The following TNFRSF10D variants were observed in gnomAD, a reference collection of about 807,000 sequenced individuals.
TNFRSF10D encodes tumor necrosis factor receptor superfamily member 10D.
A neutral mutation model predicts 42.1 loss-of-function variants in TNFRSF10D; 28 were observed. That is an observed-to-expected ratio of 0.66 (90% CI 0.49 to 0.91). TNFRSF10D has a LOEUF of 0.91. TNFRSF10D is among the 40% of genes least tolerant of loss of function. TNFRSF10D has a pLI of 0.00. For missense variants in TNFRSF10D, 503 were observed against 486.1 expected, an observed-to-expected ratio of 1.03 and a Z score of -0.33; for synonymous variants, 186 against 189.4, an observed-to-expected ratio of 0.98 and a Z score of 0.15.
chr8:23,148,671 T>C (rs1800163336), intron 2 of TNFRSF10D, 120 bp from the exon 3 acceptor site: 1 of 636,100 alleles, frequency 1.6e-6, no homozygotes, highest in Non-Finnish European at 2.8e-6. Context: ...CTGCTCTTCT[T>C]GGCTTGGTCT....
rs1814316966 is a variant in TNFRSF10D, at chr8:23,135,928, C to T, written c.*1942G>A. ...ACTAGGAGGCAGCAGCACCCTGTGT[C>T]ATCCAGAAGTGCAGGGGACAAGGTG... On this transcript the variant is annotated 3_prime_UTR_variant, in exon 9 of 9. Coordinates refer to ENST00000312584, the MANE Select transcript of TNFRSF10D (RefSeq NM_003840.5). 5 of 449,186 alleles carry T rather than the reference C, an allele frequency of 1.1e-5. No individual in the cohort carries two copies. The highest frequency in any genetic ancestry group is 1.4e-4 in the East Asian group (2 of 14,352). 27.8% of individuals were successfully genotyped at this position (449,186 alleles called of 1,614,324 possible).
At chr8:23,143,474 A>C (rs970272353) in intron 7 of TNFRSF10D, among the ~76,000 whole-genome samples, 2 of 152,148 alleles carry the variant, frequency 1.3e-5, no homozygotes, top group African/African-American at 4.8e-5. Flanking sequence ...ACAAATTACA[A>C]AACAAAGGTG....
Position 23,137,388 on chromosome 8 carries a change from G to A in TNFRSF10D, c.*482C>T, listed in dbSNP as rs1814350007. 1 of 155,626 alleles carries A rather than the reference G, an allele frequency of 6.4e-6. No individual in the cohort carries two copies. The highest frequency in any genetic ancestry group is 6.2e-5 in the Admixed American group (1 of 16,090). The allele number at this position is 155,626 out of a possible 1,614,324, so 9.6% of individuals were successfully genotyped here. Reference sequence around the variant, plus strand: ...ATGTCATTAAATGCACACACCAGTAGAGATGGAGCTTGCAATATAAGAAGC... The same window carrying A: ...ATGTCATTAAATGCACACACCAGTAAAGATGGAGCTTGCAATATAAGAAGC... On this transcript the variant is annotated 3_prime_UTR_variant, in exon 9 of 9. Transcript: ENST00000312584.
At chr8:23,163,680 C>T in intron 1 of TNFRSF10D, 106 bp downstream of exon 1, 1 of 1,500,234 alleles carries the variant, frequency 6.7e-7, no homozygotes, top group Admixed American at 2.3e-5. Flanking sequence ...CATGCCCGGC[C>T]GCAGGCGACC....
chr8:23,159,687 C>G (rs192824813), intron 1 of TNFRSF10D, among the ~76,000 whole-genome samples: 8 of 152,230 alleles, frequency 5.3e-5, no homozygotes, highest in Admixed American at 5.2e-4. Context: ...CATGACAAAA[C>G]CCCGTCTCTA....
At chr8:23,161,255 G>A (rs1199719615) in intron 1 of TNFRSF10D, among the ~76,000 whole-genome samples, 1 of 152,264 alleles carries the variant, frequency 6.6e-6, no homozygotes, top group Non-Finnish European at 1.5e-5. Flanking sequence ...AAGCACAGCA[G>A]GGCCCAGCTG....
At chr8:23,160,469 T>C (rs1800351765) in intron 1 of TNFRSF10D, among the ~76,000 whole-genome samples, 1 of 152,162 alleles carries the variant, frequency 6.6e-6, no homozygotes, top group East Asian at 1.9e-4. Context: ...GGCCCAAATA[T>C]GGCTGCTATT....
intron 2 of TNFRSF10D, among the ~76,000 whole-genome samples, chr8:23,151,280 C>A (rs571632654): frequency 6.6e-6 from 1 of 151,824 alleles, no homozygotes; most frequent in Non-Finnish European, 1.5e-5. Context: ...TCCTTGCCAA[C>A]CAAGAATACT....
chr8:23,159,429 C>T (rs1348995180), intron 1 of TNFRSF10D, among the ~76,000 whole-genome samples: 2 of 152,200 alleles, frequency 1.3e-5, no homozygotes, highest in Admixed American at 6.5e-5. Flanking sequence ...GATTACTGTG[C>T]AGACCTTGTT....
At chr8:23,155,419 A>G (rs1800262818) in intron 1 of TNFRSF10D, among the ~76,000 whole-genome samples, 1 of 152,004 alleles carries the variant, frequency 6.6e-6, no homozygotes, top group Non-Finnish European at 1.5e-5. Context: ...GCAAGAAAAG[A>G]TTTTATAAGA....
intron 1 of TNFRSF10D, among the ~76,000 whole-genome samples, chr8:23,163,089 C>CTTTTT (rs59385093): frequency 2.1e-4 from 12 of 57,202 alleles, no homozygotes; most frequent in African/African-American, 8.1e-4. Context: ...GCCTGGCTAA[C>CTTTTT]TTTTTTTTTT....
intron 7 of TNFRSF10D, among the ~76,000 whole-genome samples, chr8:23,140,267 T>C (rs550631092): frequency 8.1e-4 from 123 of 152,018 alleles, no homozygotes; most frequent in South Asian, 2.9e-3. Context: ...CCAGCCTGGG[T>C]GACAGAGCAA....
At chr8:23,154,018 C>A (rs576626335) in intron 2 of TNFRSF10D, among the ~76,000 whole-genome samples, 2 of 152,306 alleles carry the variant, frequency 1.3e-5, no homozygotes, top group South Asian at 4.2e-4. Context: ...TACATAGACA[C>A]AATGGAATAC....
In TNFRSF10D at chr8:23,149,204, A is replaced by AG. The variant is rs534648840; in HGVS notation, c.257-654_257-653insC. ...GACTCTGTCTCAAAAAAAAAAAAAAAAAAGAAAAGAAAAGAAAAGAAATAT... is the reference window on the plus strand; with the variant it reads ...GACTCTGTCTCAAAAAAAAAAAAAAAGAAAGAAAAGAAAAGAAAAGAAATAT... On this transcript the variant is annotated intron_variant, in intron 2 of 8. Coordinates refer to ENST00000312584, the MANE Select transcript of TNFRSF10D (RefSeq NM_003840.5). Among the ~76,000 whole-genome samples, 662 of 139,242 alleles carry AG rather than the reference A, an allele frequency of 4.8e-3. 5 individuals are homozygous for AG. The highest frequency in any genetic ancestry group is 0.02 in the South Asian group (95 of 4,648). 91.3% of individuals were successfully genotyped at this position (139,242 alleles called of 152,430 possible).
At chr8:23,153,898 A>T (rs912455099) in intron 2 of TNFRSF10D, among the ~76,000 whole-genome samples, 44 of 152,242 alleles carry the variant, frequency 2.9e-4, no homozygotes, top group African/African-American at 1.0e-3. Flanking sequence ...TGACATCAGT[A>T]TGTTAAAGAG....
intron 1 of TNFRSF10D, among the ~76,000 whole-genome samples, chr8:23,156,061 G>A (rs902701106): frequency 1.3e-5 from 2 of 152,104 alleles, no homozygotes; most frequent in Non-Finnish European, 2.9e-5. Context: ...ACGACGAGAA[G>A]ACAACTGGAG....
rs117906816 is a variant in TNFRSF10D, at chr8:23,137,610, C to T, written c.*260G>A. On this transcript the variant is annotated 3_prime_UTR_variant, in exon 9 of 9. Transcript: ENST00000312584. ...ATGAGCCACCGCATGTGGCCTAAAA[C>T]GACCCTTAATACACAATCGTATAAC... The T allele has an allele frequency of 0.011, 3,598 of 341,846 alleles. 34 individuals carry two copies. Among genetic ancestry groups the T allele is most frequent in the South Asian group, 0.015 (261 of 17,490 alleles). The allele number at this position is 341,846 out of a possible 1,614,324, so 21.2% of individuals were successfully genotyped here. A position where few individuals can be genotyped will look rare whatever the true frequency, so the allele number is the denominator to read the frequency against.
At chr8:23,155,732 A>G (rs558582265) in intron 1 of TNFRSF10D, among the ~76,000 whole-genome samples, 7 of 151,734 alleles carry the variant, frequency 4.6e-5, no homozygotes, top group African/African-American at 1.7e-4. Context: ...AAACAAAAAA[A>G]CCACACATAT....
rs1352209944 is a variant in TNFRSF10D, at chr8:23,163,849, T to C, written c.87A>G (p.Arg29=). The C allele has an allele frequency of 6.2e-7, 1 of 1,607,344 alleles. No homozygotes were observed. The highest frequency in any genetic ancestry group is 1.7e-5 in the Admixed American group (1 of 58,950). The change falls in exon 1 of 9, where the codon AGA becomes AGG. Residue 29 remains arginine, a synonymous_variant. Coordinates refer to ENST00000312584, the MANE Select transcript of TNFRSF10D (RefSeq NM_003840.5). ...YPGARTASGT[R]PWLLDPKILK... ...GGATCTTGGGGTCCAGGAGCCATGG[T>C]CTGGTTCCCGACGCTGTCCTGGCTC...
Sources: gnomAD v4.1 joint callset for allele counts (sites outside exome capture counted in the v4.1 genomes callset) on GRCh38, gnomAD v4.1.1 for gene constraint, MANE v1.5 for transcripts, NCBI Gene and HGNC (gene_info 2026-07-23, HGNC 2026-07-21) for gene names.